LOC400499: variants seen among roughly 807,000 people sequenced by gnomAD.
the LOC400499 span, among the ~76,000 whole-genome samples, chr16:11,468,415 C>T: frequency 6.6e-6 from 1 of 152,158 alleles, no homozygotes; most frequent in Admixed American, 6.5e-5. Context: ...CCTTGACCTT[C>T]TGGGCTCCAG....
At chr16:11,498,521 AAT>A in the LOC400499 span, among the ~76,000 whole-genome samples, 1 of 151,544 alleles carries the variant, frequency 6.6e-6, no homozygotes, top group Non-Finnish European at 1.5e-5. Flanking sequence ...AAATAAATAA[AAT>A]TAATCCGAAA....
the LOC400499 span, among the ~76,000 whole-genome samples, chr16:11,455,420 G>A: frequency 2.0e-5 from 3 of 152,000 alleles, no homozygotes; most frequent in South Asian, 2.1e-4. Flanking sequence ...AGAATTTAGC[G>A]TGCTTACTGT....
the LOC400499 span, chr16:11,461,212 G>T: frequency 7.0e-7 from 1 of 1,427,524 alleles, no homozygotes. Context: ...GTATCACCGA[G>T]GGGCCTTGGG....
At chr16:11,433,499 T>C in the LOC400499 span, among the ~76,000 whole-genome samples, 11 of 152,292 alleles carry the variant, frequency 7.2e-5, no homozygotes, top group African/African-American at 2.4e-4. Flanking sequence ...AAATATATAT[T>C]TGGTCTCTGT....
chr16:11,508,503 T>C, the LOC400499 span, among the ~76,000 whole-genome samples: 1 of 152,230 alleles, frequency 6.6e-6, no homozygotes, highest in Non-Finnish European at 1.5e-5. Context: ...ACATCCAACC[T>C]GGACTGGGGC....
chr16:11,446,197 G>A, the LOC400499 span, among the ~76,000 whole-genome samples: 2 of 152,066 alleles, frequency 1.3e-5, no homozygotes, highest in Non-Finnish European at 2.9e-5. Flanking sequence ...TGCCCAGGCT[G>A]GAATGCAATG....
the LOC400499 span, among the ~76,000 whole-genome samples, chr16:11,435,276 C>A: frequency 6.6e-6 from 1 of 151,968 alleles, no homozygotes; most frequent in Non-Finnish European, 1.5e-5. Flanking sequence ...CCACACCTGG[C>A]TAATTTTTTT....
At chr16:11,475,112 T>C in the LOC400499 span, among the ~76,000 whole-genome samples, 1 of 152,200 alleles carries the variant, frequency 6.6e-6, no homozygotes, top group East Asian at 1.9e-4. Flanking sequence ...TTGCAGCTTG[T>C]GGATTCAGTC....
At chr16:11,381,140 C>G in the LOC400499 span, 2 of 152,202 alleles carry the variant, frequency 1.3e-5, no homozygotes, top group Non-Finnish European at 2.9e-5. Flanking sequence ...CCTTGGAACT[C>G]ACTCCCCGTG....
At chr16:11,447,942 C>A in the LOC400499 span, 2 of 1,535,480 alleles carry the variant, frequency 1.3e-6, no homozygotes, top group Admixed American at 2.0e-5. Context: ...ACCTAAGGAG[C>A]AAGGCCCCCC....
At chr16:11,414,633 G>A in the LOC400499 span, 11 of 398,366 alleles carry the variant, frequency 2.8e-5, no homozygotes, top group Non-Finnish European at 4.9e-5. Flanking sequence ...GCAGGAAAGG[G>A]CAAGGCTGCC....
chr16:11,425,665 C>T, the LOC400499 span, among the ~76,000 whole-genome samples: 1 of 152,184 alleles, frequency 6.6e-6, no homozygotes, highest in Admixed American at 6.6e-5. Flanking sequence ...AAAATCTGAA[C>T]AGCTCTATAT....
the LOC400499 span, chr16:11,390,082 G>C: frequency 3.3e-6 from 4 of 1,226,554 alleles, no homozygotes; most frequent in South Asian, 1.7e-4. Context: ...CGCAGGATGC[G>C]CTACTCTCAA....
At chr16:11,397,302 T>A in the LOC400499 span, among the ~76,000 whole-genome samples, 2 of 152,112 alleles carry the variant, frequency 1.3e-5, no homozygotes, top group African/African-American at 4.8e-5. Context: ...TGAGACAGAG[T>A]TATGCTCTGT....
At chr16:11,437,385 C>A in the LOC400499 span, among the ~76,000 whole-genome samples, 1 of 152,132 alleles carries the variant, frequency 6.6e-6, no homozygotes, top group Non-Finnish European at 1.5e-5. Flanking sequence ...GAGCAATACC[C>A]GCATCTCTAC....
chr16:11,519,340 G>C, the LOC400499 span, among the ~76,000 whole-genome samples: 3 of 152,318 alleles, frequency 2.0e-5, no homozygotes, highest in African/African-American at 4.8e-5. Context: ...TGTCACCATG[G>C]GGTGTGTGTG....
chr16:11,405,244 C>A, the LOC400499 span, among the ~76,000 whole-genome samples: 1 of 152,312 alleles, frequency 6.6e-6, no homozygotes, highest in South Asian at 2.1e-4. Flanking sequence ...CAGGGCTACA[C>A]GGTGGAGAGG....
chr16:11,417,763 T>G, the LOC400499 span: 1 of 398,888 alleles, frequency 2.5e-6, no homozygotes, highest in Non-Finnish European at 4.4e-6. Context: ...CACAGAGTAG[T>G]TGAGGAATGT....
At chr16:11,400,060 GA>G in the LOC400499 span, among the ~76,000 whole-genome samples, 2,160 of 146,042 alleles carry the variant, frequency 0.015, 46 homozygotes, top group African/African-American at 0.044. Context: ...GCATTTAAAT[GA>G]AAAAAAAAAA....
Sources: gnomAD v4.1 joint callset for allele counts (sites outside exome capture counted in the v4.1 genomes callset) on GRCh38, gnomAD v4.1.1 for gene constraint, MANE v1.5 for transcripts.